The following ACSM4 variants were observed in gnomAD, a reference collection of about 807,000 sequenced individuals.
ACSM4 encodes the protein acyl-coenzyme A synthetase ACSM4, mitochondrial.
In ACSM4, 66 loss-of-function variants were observed where a neutral mutation model predicts 73.0. The observed-to-expected ratio is 0.90, with a 90% CI of 0.74 to 1.11. The LOEUF (loss-of-function observed/expected upper bound fraction) is 1.11. Among genes scored for constraint, ACSM4 ranks in the 50% least tolerant of loss-of-function variants. The pLI, the probability that ACSM4 is intolerant of heterozygous loss-of-function variation, is 0.00. For synonymous variants in ACSM4, 222 were observed against 254.0 expected (o/e 0.87, Z 1.20); for missense variants, 645 against 714.4 (o/e 0.90, Z 1.11).
chr12:7,319,977 A>G (rs764360623), intron 5 of ACSM4, among the ~76,000 whole-genome samples: 1 of 152,360 alleles, frequency 6.6e-6, no homozygotes, highest in East Asian at 1.9e-4. Context: ...CGGAGCAGAT[A>G]CACATGGTAG....
In ACSM4 at chr12:7,306,685, C is replaced by T. The variant is rs777659541; in HGVS notation, c.354C>T (p.Ala118=). ...GCCTGCAGAGAGGAGACCGTTTGGCCGTGATTCTGCCCAGAATCCCTGAGT... is the reference window on the plus strand; with the variant it reads ...GCCTGCAGAGAGGAGACCGTTTGGCTGTGATTCTGCCCAGAATCCCTGAGT... ...PCGLQRGDRL[A]VILPRIPEWW... Residue 118 remains alanine (A), a synonymous_variant, in exon 2 of 13, where the codon GCC becomes GCT. Transcript: ENST00000399422. The T allele has an allele frequency of 2.9e-5, 46 of 1,611,558 alleles. No homozygotes were observed. The African/African-American group carries it at 5.1e-4, about 18-fold the overall frequency.
At chr12:7,313,123 C>A (rs777947549) in intron 3 of ACSM4, among the ~76,000 whole-genome samples, 2 of 152,132 alleles carry the variant, frequency 1.3e-5, no homozygotes, top group Admixed American at 6.5e-5. Flanking sequence ...ACCCTAGTTG[C>A]CTTGCACACT....
chr12:7,308,065 G>T (rs780061279), intron 2 of ACSM4, among the ~76,000 whole-genome samples: 1 of 152,268 alleles, frequency 6.6e-6, no homozygotes, highest in Admixed American at 6.5e-5. Context: ...GTGTGTATAA[G>T]TGATTAAAAT....
intron 6 of ACSM4, 61 bp from the exon 7 acceptor site, chr12:7,322,357 G>A (rs760380270): frequency 1.1e-5 from 17 of 1,605,960 alleles, no homozygotes; most frequent in Non-Finnish European, 1.2e-5. Flanking sequence ...TGTCCTAATT[G>A]TCTTGCAGTG....
intron 5 of ACSM4, 96 bp from the exon 6 acceptor site, chr12:7,320,629 A>G: frequency 1.0e-6 from 1 of 1,002,706 alleles, no homozygotes; most frequent in South Asian, 1.4e-5. Flanking sequence ...GGATGGGCAC[A>G]TATTAATGGA....
Position 7,320,744 on chromosome 12 carries a change from T to G in ACSM4, c.941T>G (p.Ile314Ser), listed in dbSNP as rs757789192. 1 of 1,613,730 alleles carries G rather than the reference T, an allele frequency of 6.2e-7. No individual in the cohort carries two copies. The highest frequency in any genetic ancestry group is 1.1e-5 in the South Asian group (1 of 91,066). Reference protein sequence around the residue: ...TFLDTLTTYPITTLCSPPTVY... With the variant: ...TFLDTLTTYPSTTLCSPPTVY... ...ATCCAGACACTTACTACTTATCCCATCACGACCCTGTGCAGTCCTCCCACT... is the reference window on the plus strand; with the variant it reads ...ATCCAGACACTTACTACTTATCCCAGCACGACCCTGTGCAGTCCTCCCACT... The change falls in exon 6 of 13, where the codon ATC becomes AGC. Residue 314 changes from isoleucine to serine, a missense_variant. By Grantham distance (142) the Ile-to-Ser change is moderately radical (BLOSUM62 -2). Transcript: ENST00000399422.
At chr12:7,311,673 C>T (rs1046556878) in intron 3 of ACSM4, among the ~76,000 whole-genome samples, 4 of 152,136 alleles carry the variant, frequency 2.6e-5, no homozygotes, top group Admixed American at 6.6e-5. Flanking sequence ...TCTGGCCTGC[C>T]ACCTTTTTTG....
intron 7 of ACSM4, among the ~76,000 whole-genome samples, 156 bp from the exon 8 acceptor site, chr12:7,323,078 G>A (rs1444631061): frequency 3.3e-5 from 5 of 152,210 alleles, no homozygotes; most frequent in Admixed American, 6.5e-5. Flanking sequence ...ACTGCACACC[G>A]AAGTTTGAGA....
chr12:7,305,610 C>T (rs909698590), intron 1 of ACSM4, among the ~76,000 whole-genome samples: 6 of 152,134 alleles, frequency 3.9e-5, no homozygotes, highest in African/African-American at 1.4e-4. Context: ...AGAACATAAA[C>T]CCAGTCCCTG....
In ACSM4 at chr12:7,311,933, C is replaced by T. The variant is rs114965475; in HGVS notation, c.620+1187C>T. The stretch of plus-strand genomic sequence containing the variant: ...TCGAACTCCTGACCTCAAAGTGATC[C>T]GCCAACCTCAGCCTCCCAAAGTGCT... On this transcript the variant is annotated intron_variant, in intron 3 of 12. Transcript: ENST00000399422. Among the ~76,000 whole-genome samples, 505 of 152,266 alleles carry T rather than the reference C, an allele frequency of 3.3e-3. 4 individuals carry two copies. The highest frequency in any genetic ancestry group is 0.011 in the African/African-American group (474 of 41,570).
chr12:7,307,179 G>A (rs1272096731), intron 2 of ACSM4, among the ~76,000 whole-genome samples: 6 of 152,084 alleles, frequency 3.9e-5, no homozygotes, highest in South Asian at 4.1e-4. Context: ...GCGTGAACCC[G>A]GGAGGTGGAG....
intron 5 of ACSM4, among the ~76,000 whole-genome samples, chr12:7,318,742 C>A (rs1946439540): frequency 1.3e-5 from 2 of 152,182 alleles, no homozygotes; most frequent in African/African-American, 4.8e-5. Flanking sequence ...TTTCTTTAGA[C>A]TTTAGAAAAA....
chr12:7,310,399 A>G, intron 2 of ACSM4, 140 bp from the exon 3 acceptor site: 2 of 790,666 alleles, frequency 2.5e-6, no homozygotes, highest in Non-Finnish European at 2.0e-6. Flanking sequence ...GTCCTGTGCA[A>G]TATCCTTGGG....
chr12:7,308,226 T>C (rs1946371873), intron 2 of ACSM4, among the ~76,000 whole-genome samples: 1 of 152,156 alleles, frequency 6.6e-6, no homozygotes, highest in Admixed American at 6.6e-5. Context: ...TAAAAACAAC[T>C]TGCAAATGTT....
At chr12:7,312,969 G>A (rs2136330630) in intron 3 of ACSM4, among the ~76,000 whole-genome samples, 1 of 152,076 alleles carries the variant, frequency 6.6e-6, no homozygotes, top group African/African-American at 2.4e-5. Context: ...ATGTACTTTT[G>A]TGCATTATAC....
At chr12:7,315,499 C>T (rs1371663221) in intron 3 of ACSM4, among the ~76,000 whole-genome samples, 1 of 151,962 alleles carries the variant, frequency 6.6e-6, no homozygotes, top group African/African-American at 2.4e-5. Context: ...GTAGTCTCAG[C>T]TACTTGGGAG....
intron 11 of ACSM4, among the ~76,000 whole-genome samples, chr12:7,326,468 C>G (rs772661553): frequency 1.3e-5 from 2 of 152,290 alleles, no homozygotes; most frequent in African/African-American, 2.4e-5. Context: ...CCTTGGCCTC[C>G]CAAAGTCTTG....
chr12:7,322,404 C>G lies in ACSM4; in HGVS notation c.1002-14C>G. 6.2e-7 allele frequency: 1 copy of G among 1,613,370 alleles called. No homozygotes were observed. Among genetic ancestry groups the G allele is most frequent in the Non-Finnish European group, 8.5e-7 (1 of 1,179,746 alleles). ...GTTCCTCTTGAAAAGACCCATGCAA[C>G]TCTGTCTCTCCAGATATAAATTCAA... On this transcript the variant is annotated splice_polypyrimidine_tract_variant and intron_variant, in intron 6 of 12. Transcript: ENST00000399422.
chr12:7,324,180 A>T, intron 9 of ACSM4, 93 bp from the exon 10 acceptor site: 1 of 1,450,590 alleles, frequency 6.9e-7, no homozygotes, highest in Non-Finnish European at 9.2e-7. Context: ...TTCCTATATA[A>T]GTAGGATGTG....
Sources: gnomAD v4.1 joint callset for allele counts (sites outside exome capture counted in the v4.1 genomes callset) on GRCh38, gnomAD v4.1.1 for gene constraint, MANE v1.5 for transcripts, NCBI Gene and HGNC (gene_info 2026-07-23, HGNC 2026-07-21) for gene names.